The following ZDHHC3 variants were observed in gnomAD, a reference collection of about 807,000 sequenced individuals.
ZDHHC3 encodes palmitoyltransferase ZDHHC3.
ZDHHC3 carries 9 observed loss-of-function variants against 30.6 expected under a neutral mutation model. The ratio of observed to expected loss-of-function variants is 0.29; its 90% CI spans 0.18 to 0.51. ZDHHC3 has a LOEUF of 0.51. Ranked by LOEUF, ZDHHC3 falls within the 20% of genes least tolerant of loss-of-function variation. The probability of loss-of-function intolerance (pLI) is 0.97; values close to 1 mark genes in which losing one functional copy is unlikely to be tolerated. For missense variants in ZDHHC3, 246 were observed against 384.2 expected, an observed-to-expected ratio of 0.64 and a Z score of 3.01; for synonymous variants, 136 against 140.2, an observed-to-expected ratio of 0.97 and a Z score of 0.21.
At chr3:44,956,915 T>C (rs1485914781) in intron 2 of ZDHHC3, among the ~76,000 whole-genome samples, 1 of 152,200 alleles carries the variant, frequency 6.6e-6, no homozygotes, top group Non-Finnish European at 1.5e-5. Context: ...ATCTGGCCTC[T>C]GAGGCCCTCT....
chr3:44,968,308 T>G (rs1268806652), intron 1 of ZDHHC3, among the ~76,000 whole-genome samples: 1 of 151,834 alleles, frequency 6.6e-6, no homozygotes, highest in Non-Finnish European at 1.5e-5. Flanking sequence ...CTCTGACTCT[T>G]TAAAAAAAAA....
At chr3:44,965,960 G>C (rs942369391) in intron 1 of ZDHHC3, among the ~76,000 whole-genome samples, 1 of 152,142 alleles carries the variant, frequency 6.6e-6, no homozygotes, top group Non-Finnish European at 1.5e-5. Flanking sequence ...TCATGCACTC[G>C]TGAACAGCAC....
intron 1 of ZDHHC3, among the ~76,000 whole-genome samples, chr3:44,972,144 CAGA>C (rs1705456416): frequency 6.6e-6 from 1 of 152,162 alleles, no homozygotes; most frequent in Non-Finnish European, 1.5e-5. Flanking sequence ...GGACTGGGAA[CAGA>C]AGGTTTCCTG....
At chr3:44,962,618 A>G (rs988400225) in intron 1 of ZDHHC3, among the ~76,000 whole-genome samples, 2 of 152,198 alleles carry the variant, frequency 1.3e-5, no homozygotes, top group East Asian at 3.8e-4. Context: ...TGATTTATTT[A>G]GAGTTATTAC....
At chr3:44,930,620 G>A (rs922071024) in intron 5 of ZDHHC3, among the ~76,000 whole-genome samples, 7 of 152,260 alleles carry the variant, frequency 4.6e-5, no homozygotes, top group Non-Finnish European at 7.3e-5. Context: ...GGGAATGTCA[G>A]GAGGGGCAAG....
At chr3:44,967,318 C>T (rs1186224871) in intron 1 of ZDHHC3, among the ~76,000 whole-genome samples, 1 of 152,174 alleles carries the variant, frequency 6.6e-6, no homozygotes, top group Non-Finnish European at 1.5e-5. Flanking sequence ...AACAGTTCCT[C>T]TACTTACTAT....
At position 44,922,986 on chromosome 3, in the gene ZDHHC3, T is replaced by A. The variant is rs923172870; in HGVS notation, c.*3703A>T. 3.0e-6 allele frequency: 3 copies of A among 985,234 alleles called. No homozygotes were observed. Among genetic ancestry groups the A allele is most frequent in the Non-Finnish European group, 3.6e-6 (3 of 829,938 alleles). 61.0% of individuals were successfully genotyped at this position (985,234 alleles called of 1,614,324 possible). The stretch of plus-strand genomic sequence containing the variant: ...TGCAAGTCTTGAAAAGAGAGAAATT[T>A]AAAACCCATTAGCCTGGCTGAGAAA... On this transcript the variant is annotated 3_prime_UTR_variant, in exon 7 of 7. Coordinates refer to ENST00000424952, the MANE Select transcript of ZDHHC3 (RefSeq NM_001135179.2).
intron 3 of ZDHHC3, among the ~76,000 whole-genome samples, chr3:44,935,519 C>T (rs1701882711): frequency 6.6e-6 from 1 of 152,182 alleles, no homozygotes; most frequent in African/African-American, 2.4e-5. Flanking sequence ...GCTTTGGCCT[C>T]CCAAAGTGCT....
chr3:44,937,989 ACTT>A (rs1353577873), intron 3 of ZDHHC3: 1 of 409,936 alleles, frequency 2.4e-6, no homozygotes, highest in Non-Finnish European at 4.8e-6. Context: ...CGGAAATACC[ACTT>A]TTTTTTTTGG....
rs145026580 is a variant in ZDHHC3, at chr3:44,933,193, T to C, written c.535A>G (p.Ile179Val). ...QKYFVLFTMY[I>V]ALISLHALIM... ...AGGGCGTGCAAGGAAATGAGAGCTA[T>C]GTACATCTGAAACAGGAAACCAGTG... Residue 179 changes from isoleucine (I) to valine (V), a missense_variant, in exon 5 of 7, where the codon ATA becomes GTA. By Grantham distance (29) the Ile-to-Val change is conservative (BLOSUM62 3). Coordinates refer to ENST00000424952, the MANE Select transcript of ZDHHC3 (RefSeq NM_001135179.2). 2,216 of 1,614,122 alleles carry C rather than the reference T, an allele frequency of 1.4e-3. 4 individuals carry two copies. The highest frequency in any genetic ancestry group is 1.6e-3 in the Non-Finnish European group (1,870 of 1,179,968).
chr3:44,944,336 GA>G (rs1274374369), intron 3 of ZDHHC3, among the ~76,000 whole-genome samples: 2 of 152,094 alleles, frequency 1.3e-5, no homozygotes, highest in African/African-American at 4.8e-5. Flanking sequence ...AGTAAAGACA[GA>G]GTTTCTCCAT....
intron 1 of ZDHHC3, among the ~76,000 whole-genome samples, chr3:44,968,027 G>A (rs563548605): frequency 1.3e-5 from 2 of 152,282 alleles, no homozygotes; most frequent in African/African-American, 4.8e-5. Context: ...CAGAGGGGTT[G>A]GGGAATATTC....
At chr3:44,942,519 A>G (rs566139163) in intron 3 of ZDHHC3, among the ~76,000 whole-genome samples, 27 of 152,344 alleles carry the variant, frequency 1.8e-4, no homozygotes, top group African/African-American at 6.3e-4. Context: ...AGTGAGGAAA[A>G]TGCCAGGCGG....
intron 1 of ZDHHC3, among the ~76,000 whole-genome samples, chr3:44,965,193 A>G (rs1018659948): frequency 1.3e-5 from 2 of 152,196 alleles, no homozygotes; most frequent in African/African-American, 2.4e-5. Flanking sequence ...GCTATTCTAA[A>G]AGCAACAACA....
intron 1 of ZDHHC3, among the ~76,000 whole-genome samples, chr3:44,961,800 C>T (rs1166137029): frequency 6.6e-6 from 1 of 152,248 alleles, no homozygotes; most frequent in East Asian, 1.9e-4. Flanking sequence ...TGTGTTCTCA[C>T]AATTACTATT....
intron 3 of ZDHHC3, among the ~76,000 whole-genome samples, chr3:44,942,203 G>A (rs542512404): frequency 9.8e-5 from 15 of 152,348 alleles, no homozygotes; most frequent in African/African-American, 3.6e-4. Context: ...GGGCAAGGTC[G>A]ACATCAACTT....
chr3:44,945,592 G>A (rs1003970610), intron 2 of ZDHHC3, among the ~76,000 whole-genome samples: 4 of 151,566 alleles, frequency 2.6e-5, no homozygotes, highest in East Asian at 1.9e-4. Flanking sequence ...TTGCTCTGTC[G>A]CCCAGGCTGG....
chr3:44,946,027 C>A (rs1702901584), intron 2 of ZDHHC3, among the ~76,000 whole-genome samples: 1 of 152,176 alleles, frequency 6.6e-6, no homozygotes, highest in Non-Finnish European at 1.5e-5. Context: ...ACAGCTTCTC[C>A]CTTTCTAAGT....
At position 44,922,643 on chromosome 3, in the gene ZDHHC3, A is replaced by AG. The variant is rs368473337; in HGVS notation, c.*4045dup. On this transcript the variant is annotated 3_prime_UTR_variant, in exon 7 of 7. Coordinates refer to ENST00000424952, the MANE Select transcript of ZDHHC3 (RefSeq NM_001135179.2). Reference sequence around the variant, plus strand: ...ACCAGCAGGCATCAGGGACCACCTGAGGGGGGACTCCTGCTAGCCCCAACT... The same window carrying AG: ...ACCAGCAGGCATCAGGGACCACCTGAGGGGGGGACTCCTGCTAGCCCCAACT... 2,279 of 985,306 alleles carry AG rather than the reference A, an allele frequency of 2.3e-3. 32 individuals are homozygous for AG. In the African/African-American group the frequency reaches 0.03, roughly 13 times the overall value. 61.0% of individuals were successfully genotyped at this position (985,306 alleles called of 1,614,324 possible).
Sources: gnomAD v4.1 joint callset for allele counts (sites outside exome capture counted in the v4.1 genomes callset) on GRCh38, gnomAD v4.1.1 for gene constraint, MANE v1.5 for transcripts, NCBI Gene and HGNC (gene_info 2026-07-23, HGNC 2026-07-21) for gene names.